The following NRXN1 variants were observed in gnomAD, a reference collection of about 807,000 sequenced individuals.
The protein encoded by NRXN1 is neurexin 1, also known as neurexin-1.
Under a neutral mutation model 150.9 loss-of-function variants are expected in NRXN1, and 39 were observed. The ratio of observed to expected loss-of-function variants is 0.26; its 90% CI spans 0.20 to 0.34. The LOEUF is 0.34. Ranked by LOEUF, NRXN1 falls within the 10% of genes least tolerant of loss-of-function variation. NRXN1 has a pLI of 1.00. For missense variants in NRXN1, 1,815 were observed against 1,949.9 expected, an observed-to-expected ratio of 0.93 and a Z score of 1.30; for synonymous variants, 924 against 757.0, an observed-to-expected ratio of 1.22 and a Z score of -3.62.
At chr2:50,515,600 G>GGTGTGTGTGTGTGTGTGTGTGTGT (rs60612860) in intron 12 of NRXN1, among the ~76,000 whole-genome samples, 16 of 143,422 alleles carry the variant, frequency 1.1e-4, no homozygotes, top group African/African-American at 4.1e-4. Context: ...AAATGCTTGG[G>GGTGTGTGTGTGTGTGTGTGTGTGT]GTGTGTGTGT....
chr2:50,940,559 T>A (rs760132774), intron 2 of NRXN1, among the ~76,000 whole-genome samples: 1 of 152,022 alleles, frequency 6.6e-6, no homozygotes, highest in African/African-American at 2.4e-5. Flanking sequence ...GGTCACAAGT[T>A]TGAATACAAC....
rs997637506 is a variant in NRXN1 at position 49,999,496 on chromosome 2, A to G, written c.4128+53775T>C. 8.5e-5 allele frequency among the ~76,000 whole-genome samples: 13 copies of G among 152,262 alleles called. 1 individual carries two copies. Among genetic ancestry groups the G allele is most frequent in the African/African-American group, 3.1e-4 (13 of 41,564 alleles). ...ATTTTTTGAAACTATACCTTGCTCA[A>G]AAATGGTTGTTGAATAACTGTAGCA... On this transcript the variant is annotated intron_variant, in intron 21 of 22. Coordinates refer to ENST00000401669, the MANE Select transcript of NRXN1 (RefSeq NM_001330078.2).
Position 51,027,999 on chromosome 2 carries a change from C to T in NRXN1, c.275G>A (p.Ser92Asn). The T allele has an allele frequency of 6.2e-7, 1 of 1,600,574 alleles. No individual in the cohort carries two copies. The highest frequency in any genetic ancestry group is 2.2e-5 in the East Asian group (1 of 44,790). ...AGGCTCAGCGCAGAAGATGGAGAAG[C>T]TGAGCTGCAGGCGGCCGCCGCGCGT... ...ILTRGGRLQL[S>N]FSIFCAEPAT... Residue 92 changes from serine to asparagine, a missense_variant, in exon 2 of 23, where the codon AGC becomes AAC. Coordinates refer to ENST00000401669, the MANE Select transcript of NRXN1 (RefSeq NM_001330078.2).
chr2:50,983,070 A>C (rs1035131034), intron 2 of NRXN1, among the ~76,000 whole-genome samples: 5 of 152,106 alleles, frequency 3.3e-5, no homozygotes, highest in African/African-American at 1.2e-4. Context: ...ATCTTTACCA[A>C]TCAAAAGTTA....
chr2:50,477,571 T>G (rs1181142469), intron 15 of NRXN1, among the ~76,000 whole-genome samples: 2 of 152,222 alleles, frequency 1.3e-5, no homozygotes, highest in African/African-American at 4.8e-5. Context: ...TGCCTTACAG[T>G]AGCAGAATGC....
At chr2:50,913,803 A>G (rs533606138) in intron 5 of NRXN1, among the ~76,000 whole-genome samples, 1 of 151,894 alleles carries the variant, frequency 6.6e-6, no homozygotes, top group African/African-American at 2.4e-5. Context: ...AGGCATTTAT[A>G]TAAGTAGGTA....
intron 5 of NRXN1, among the ~76,000 whole-genome samples, chr2:50,843,901 C>A (rs1673235447): frequency 6.6e-6 from 1 of 152,140 alleles, no homozygotes; most frequent in Admixed American, 6.5e-5. Flanking sequence ...GGATCATTAT[C>A]CAATCTCAAC....
chr2:50,526,430 T>C lies in NRXN1; in HGVS notation c.2374+2195A>G, dbSNP rs143126062. Among the ~76,000 whole-genome samples, 717 of 152,300 alleles carry C rather than the reference T, an allele frequency of 4.7e-3. 13 individuals are homozygous for C. Among genetic ancestry groups the C allele is most frequent in the African/African-American group, 0.017 (700 of 41,562 alleles). Reference sequence around the variant, plus strand: ...ATTTTCTCAGTCTCAGACAAACCTATGGCTCACAGAGGACACATGTAATAA... The same window carrying C: ...ATTTTCTCAGTCTCAGACAAACCTACGGCTCACAGAGGACACATGTAATAA... On this transcript the variant is annotated intron_variant, in intron 12 of 22. Transcript: ENST00000401669.
chr2:50,192,298 A>G (rs1223754628), intron 18 of NRXN1, among the ~76,000 whole-genome samples: 2 of 152,174 alleles, frequency 1.3e-5, no homozygotes, highest in African/African-American at 4.8e-5. Flanking sequence ...TTAAAGCATG[A>G]AATGCATCTT....
chr2:50,224,365 G>T (rs2064159759), intron 18 of NRXN1, among the ~76,000 whole-genome samples: 2 of 151,862 alleles, frequency 1.3e-5, no homozygotes, highest in Non-Finnish European at 2.9e-5. Flanking sequence ...ATACCTCAAT[G>T]AATTATTGTG....
At chr2:51,030,878 CCTT>C (rs992962002) in intron 1 of NRXN1, among the ~76,000 whole-genome samples, 1 of 148,060 alleles carries the variant, frequency 6.8e-6, no homozygotes, top group Non-Finnish European at 1.5e-5. Flanking sequence ...TGTTAGAAAA[CCTT>C]TTTTTTTTTC....
intron 5 of NRXN1, among the ~76,000 whole-genome samples, chr2:50,684,640 C>G (rs758223123): frequency 3.3e-5 from 5 of 152,112 alleles, no homozygotes; most frequent in Admixed American, 3.3e-4. Flanking sequence ...TCGAAGGTGG[C>G]CATAAATTGA....
intron 22 of NRXN1, among the ~76,000 whole-genome samples, chr2:49,942,734 T>G (rs1376752486): frequency 6.6e-6 from 1 of 152,068 alleles, no homozygotes; most frequent in Non-Finnish European, 1.5e-5. Context: ...CTCAGCCTCC[T>G]GAGTAGCTGG....
At chr2:50,911,925 G>C (rs1489704425) in intron 5 of NRXN1, among the ~76,000 whole-genome samples, 1 of 151,794 alleles carries the variant, frequency 6.6e-6, no homozygotes, top group Non-Finnish European at 1.5e-5. Context: ...TTAGTTTCAG[G>C]GATGAAGGGT....
At chr2:50,416,084 C>G (rs80240020) in intron 17 of NRXN1, among the ~76,000 whole-genome samples, 1 of 151,836 alleles carries the variant, frequency 6.6e-6, no homozygotes, top group African/African-American at 2.4e-5. Flanking sequence ...ATACAGTCAA[C>G]AGTTCCTTCC....
intron 17 of NRXN1, among the ~76,000 whole-genome samples, chr2:50,311,378 ATATT>A: frequency 6.6e-6 from 1 of 152,286 alleles, no homozygotes; most frequent in Non-Finnish European, 1.5e-5. Context: ...GATGATTTGA[ATATT>A]TAAAGATATG....
At chr2:50,243,508 C>T (rs1400553582) in intron 17 of NRXN1, among the ~76,000 whole-genome samples, 1 of 151,718 alleles carries the variant, frequency 6.6e-6, no homozygotes, top group African/African-American at 2.4e-5. Flanking sequence ...GACAGGGAGA[C>T]TCAAACTTGT....
chr2:50,612,613 A>G (rs1235859387), intron 8 of NRXN1, among the ~76,000 whole-genome samples: 1 of 152,160 alleles, frequency 6.6e-6, no homozygotes, highest in Non-Finnish European at 1.5e-5. Context: ...TGACTCCCTT[A>G]CCCCTTCAGC....
chr2:50,452,386 C>T lies in NRXN1; in HGVS notation c.3364+13056G>A, dbSNP rs981554016. ...GAAAGAATATAGTGACAATGAATCA[C>T]GGACTCTTAGCTCTACAGACCTTAA... On this transcript the variant is annotated intron_variant, in intron 17 of 22. Coordinates refer to ENST00000401669, the MANE Select transcript of NRXN1 (RefSeq NM_001330078.2). 3.3e-5 allele frequency among the ~76,000 whole-genome samples: 5 copies of T among 152,112 alleles called. No individual in the cohort carries two copies. In the East Asian group the frequency reaches 7.7e-4, roughly 23 times the overall value.
Sources: allele counts gnomAD v4.1 joint callset (sites outside exome capture counted in the v4.1 genomes callset), GRCh38; gene constraint gnomAD v4.1.1; transcripts MANE v1.5; gene names NCBI Gene and HGNC (gene_info 2026-07-23, HGNC 2026-07-21).